CFTR: variants seen among roughly 807,000 people sequenced by gnomAD.
The protein encoded by CFTR is CF transmembrane conductance regulator, also known as cystic fibrosis transmembrane conductance regulator.
CFTR carries 181 observed loss-of-function variants against 171.6 expected under a neutral mutation model. That is an observed-to-expected ratio of 1.05 (90% CI 0.93 to 1.19). CFTR has a LOEUF of 1.19. Ranked by LOEUF, CFTR falls within the 50% of genes most tolerant of loss-of-function variation. CFTR has a pLI of 0.00. For synonymous variants in CFTR, 583 were observed against 608.0 expected, an observed-to-expected ratio of 0.96 and a Z score of 0.60; for missense variants, 1,968 against 1,734.7, an observed-to-expected ratio of 1.13 and a Z score of -2.39.
Position 117,496,005 on chromosome 7 carries a change from A to G in CFTR, c.54-8248A>G, listed in dbSNP as rs73484603. Among the ~76,000 whole-genome samples, 403 of 152,278 alleles carry G rather than the reference A, an allele frequency of 2.6e-3. 2 individuals are homozygous for G. The highest frequency in any genetic ancestry group is 9.3e-3 in the African/African-American group (385 of 41,572). On this transcript the variant is annotated intron_variant, in intron 1 of 26. Coordinates refer to ENST00000003084, the MANE Select transcript of CFTR (RefSeq NM_000492.4). Reference sequence around the variant, plus strand: ...TTTCATCACTGTAAAAAGAAACTCCATTCCTATTAGCAGTCATTCCTTATT... The same window carrying G: ...TTTCATCACTGTAAAAAGAAACTCCGTTCCTATTAGCAGTCATTCCTTATT...
chr7:117,591,891 A>G (rs1393481064), intron 13 of CFTR, 43 bp from the exon 14 acceptor site: 2 of 1,243,548 alleles, frequency 1.6e-6, no homozygotes, highest in East Asian at 2.5e-5. Context: ...ATTGCAATAA[A>G]GTATTTATAA....
intron 6 of CFTR, among the ~76,000 whole-genome samples, chr7:117,536,181 G>A (rs1267397286): frequency 6.6e-6 from 1 of 152,186 alleles, no homozygotes; most frequent in African/African-American, 2.4e-5. Flanking sequence ...AAGTATCTAA[G>A]TTTTGGAGTC....
intron 3 of CFTR, among the ~76,000 whole-genome samples, chr7:117,524,078 T>G (rs1798729779): frequency 6.6e-6 from 1 of 152,244 alleles, no homozygotes; most frequent in African/African-American, 2.4e-5. Context: ...ATCCAGTCTT[T>G]CTGTATTTAT....
At chr7:117,662,798 T>C (rs961043885) in intron 24 of CFTR, among the ~76,000 whole-genome samples, 11 of 152,104 alleles carry the variant, frequency 7.2e-5, no homozygotes, top group African/African-American at 2.7e-4. Context: ...TAAAAAGTAG[T>C]TGGAAGAATT....
intron 1 of CFTR, among the ~76,000 whole-genome samples, chr7:117,481,085 G>A (rs1338963846): frequency 6.6e-6 from 1 of 152,146 alleles, no homozygotes; most frequent in Non-Finnish European, 1.5e-5. Context: ...GTTATAAATA[G>A]CTCATATATG....
chr7:117,657,180 C>T (rs1043543380), intron 24 of CFTR, among the ~76,000 whole-genome samples: 4 of 152,114 alleles, frequency 2.6e-5, no homozygotes, highest in African/African-American at 4.8e-5. Flanking sequence ...ATAAAATTTA[C>T]AGGAAAGCAG....
At chr7:117,620,036 T>G (rs1267898616) in intron 21 of CFTR, among the ~76,000 whole-genome samples, 3 of 151,916 alleles carry the variant, frequency 2.0e-5, no homozygotes, top group Non-Finnish European at 4.4e-5. Flanking sequence ...GAAAGTAGTT[T>G]TTGCTGTAAG....
chr7:117,497,657 C>T (rs1041902644), intron 1 of CFTR, among the ~76,000 whole-genome samples: 2 of 151,966 alleles, frequency 1.3e-5, no homozygotes, highest in Admixed American at 6.6e-5. Flanking sequence ...ACTGGGGATT[C>T]GTATTCTTCA....
intron 23 of CFTR, among the ~76,000 whole-genome samples, chr7:117,646,650 G>T (rs550238656): frequency 1.3e-5 from 2 of 152,242 alleles, no homozygotes; most frequent in Admixed American, 1.3e-4. Flanking sequence ...GGACACTGCT[G>T]CTGCTGATGG....
intron 11 of CFTR, among the ~76,000 whole-genome samples, chr7:117,561,535 C>G (rs1336894586): frequency 6.6e-6 from 1 of 152,014 alleles, no homozygotes; most frequent in Non-Finnish European, 1.5e-5. Context: ...ATAAATTTGT[C>G]TCTTTTGGAC....
At chr7:117,595,352 A>T (rs1369716979) in intron 15 of CFTR, among the ~76,000 whole-genome samples, 1 of 150,522 alleles carries the variant, frequency 6.6e-6, no homozygotes, top group Non-Finnish European at 1.5e-5. Context: ...AAATATATTT[A>T]AATACAAATA....
At chr7:117,523,654 G>A (rs1269352099) in intron 3 of CFTR, among the ~76,000 whole-genome samples, 1 of 152,166 alleles carries the variant, frequency 6.6e-6, no homozygotes, top group African/African-American at 2.4e-5. Flanking sequence ...TGGGATTACA[G>A]GCGTGAGCCA....
chr7:117,609,709 CA>C (rs1341904880), intron 18 of CFTR, among the ~76,000 whole-genome samples: 15 of 152,208 alleles, frequency 9.9e-5, no homozygotes, highest in African/African-American at 3.6e-4. Flanking sequence ...GCCCAGCTTT[CA>C]AAAACTGTCT....
At chr7:117,605,027 G>T (rs1792281525) in intron 17 of CFTR, 1 of 152,206 alleles carries the variant, frequency 6.6e-6, no homozygotes, top group Non-Finnish European at 1.5e-5. Flanking sequence ...GAAGATCTTT[G>T]TGAGAATGAA....
At chr7:117,640,083 A>G (rs1792888353) in intron 22 of CFTR, among the ~76,000 whole-genome samples, 2 of 152,138 alleles carry the variant, frequency 1.3e-5, no homozygotes, top group Non-Finnish European at 2.9e-5. Context: ...CAACATTCTC[A>G]GGGAGGAGGT....
rs759721412 is a variant in CFTR at position 117,504,308 on chromosome 7, A to G, written c.109A>G (p.Ile37Val). ...CAGACAGCGCCTGGAATTGTCAGACATATACCAAATCCCTTCTGTTGATTC... is the reference window on the plus strand; with the variant it reads ...CAGACAGCGCCTGGAATTGTCAGACGTATACCAAATCCCTTCTGTTGATTC... ...GYRQRLELSD[I>V]YQIPSVDSAD... The change falls in exon 2 of 27, where the codon ATA becomes GTA. Residue 37 changes from isoleucine to valine, a missense_variant. Transcript: ENST00000003084. The G allele has an allele frequency of 1.9e-6, 3 of 1,613,008 alleles. No homozygotes were observed. Among genetic ancestry groups the G allele is most frequent in the East Asian group, 2.2e-5 (1 of 44,822 alleles).
intron 5 of CFTR, 98 bp from the exon 6 acceptor site, chr7:117,535,150 A>G: frequency 7.7e-7 from 1 of 1,295,872 alleles, no homozygotes; most frequent in East Asian, 2.3e-5. Flanking sequence ...GTTTGATCAT[A>G]TAAGCTCCTT....
intron 9 of CFTR, among the ~76,000 whole-genome samples, chr7:117,546,076 C>T (rs1272911879): frequency 6.6e-6 from 1 of 152,072 alleles, no homozygotes; most frequent in African/African-American, 2.4e-5. Context: ...TCACTGGAAC[C>T]TCTGCTGCCC....
At chr7:117,538,956 G>A (rs1799002703) in intron 7 of CFTR, among the ~76,000 whole-genome samples, 1 of 152,166 alleles carries the variant, frequency 6.6e-6, no homozygotes, top group African/African-American at 2.4e-5. Flanking sequence ...TGGAAAAAAA[G>A]AGTCCCTCTT....
Sources: allele counts gnomAD v4.1 joint callset (sites outside exome capture counted in the v4.1 genomes callset), GRCh38; gene constraint gnomAD v4.1.1; transcripts MANE v1.5; gene names NCBI Gene and HGNC (gene_info 2026-07-23, HGNC 2026-07-21).